The following CEP68 variants were observed in gnomAD, a reference collection of about 807,000 sequenced individuals.
The protein encoded by CEP68 is centrosomal protein 68.
A neutral mutation model predicts 55.3 loss-of-function variants in CEP68; 26 were observed. The observed-to-expected ratio is 0.47, with a 90% CI of 0.34 to 0.65. The LOEUF is 0.65. CEP68 is among the 30% of genes least tolerant of loss of function. The probability of loss-of-function intolerance (pLI) is 0.01; values close to 1 mark genes in which losing one functional copy is unlikely to be tolerated. For missense variants in CEP68, 957 were observed against 946.7 expected (o/e 1.01, Z -0.14); for synonymous variants, 402 against 383.2 (o/e 1.05, Z -0.57).
rs1178762783 is a variant in CEP68, at chr2:65,084,356, T to C, written c.*722T>C. The C allele has an allele frequency of 6.6e-6, 1 of 152,166 alleles. No homozygotes were observed. Among genetic ancestry groups the C allele is most frequent in the Non-Finnish European group, 1.5e-5 (1 of 68,020 alleles). 9.4% of individuals were successfully genotyped at this position (152,166 alleles called of 1,614,324 possible). ...AATTATCAAGCTTAAAGGGTAACTT[T>C]GGGAGGACTCCTCCCTTCACTCCTA... On this transcript the variant is annotated 3_prime_UTR_variant, in exon 7 of 7. Coordinates refer to ENST00000377990, the MANE Select transcript of CEP68 (RefSeq NM_015147.3).
In CEP68 at chr2:65,082,727, A is replaced by G. The variant is rs964564325; in HGVS notation, c.*4+18A>G. The G allele has an allele frequency of 1.3e-6, 2 of 1,525,206 alleles. No homozygotes were observed. Among genetic ancestry groups the G allele is most frequent in the African/African-American group, 1.4e-5 (1 of 70,456 alleles). 94.5% of individuals were successfully genotyped at this position (1,525,206 alleles called of 1,614,324 possible). A position where few individuals can be genotyped will look rare whatever the true frequency, so the allele number is the denominator to read the frequency against. On this transcript the variant is annotated intron_variant, in intron 6 of 6. Coordinates refer to ENST00000377990, the MANE Select transcript of CEP68 (RefSeq NM_015147.3). Reference sequence around the variant, plus strand: ...TTAACCTGGTAAGTGGAGGAACTCAAAAAGAAAATTTGCCCACCAACCCTG... The same window carrying G: ...TTAACCTGGTAAGTGGAGGAACTCAGAAAGAAAATTTGCCCACCAACCCTG...
chr2:65,076,052 T>TTGAGTTCCTCACTTTGAGGAACTCCACAA (rs1466970467), intron 4 of CEP68, among the ~76,000 whole-genome samples: 2 of 151,494 alleles, frequency 1.3e-5, no homozygotes, highest in African/African-American at 2.4e-5. Flanking sequence ...AGAGGTTGCT[T>TTGAGTTCCTCACTTTGAGGAACTCCACAA]TGAGTTCCTC....
intron 2 of CEP68, 149 bp from the exon 3 acceptor site, chr2:65,071,305 C>G (rs1282990855): frequency 6.1e-6 from 4 of 650,524 alleles, no homozygotes; most frequent in Non-Finnish European, 7.9e-6. Context: ...TGCATATTGC[C>G]TGGTTCTTGC....
intron 5 of CEP68, chr2:65,080,622 A>G (rs1461778982): frequency 1.2e-6 from 1 of 816,614 alleles, no homozygotes; most frequent in African/African-American, 1.9e-5. Context: ...GTTCAAGACC[A>G]GCCTGGCCAA....
rs904238052 is a variant in CEP68, at chr2:65,085,901, A to T, written c.*2267A>T. ...AGCAAACATGGCCAAATTAGAGTCA[A>T]GTAGCTGAGCTTGCTAACTGCACTG... On this transcript the variant is annotated 3_prime_UTR_variant, in exon 7 of 7. Coordinates refer to ENST00000377990, the MANE Select transcript of CEP68 (RefSeq NM_015147.3). 6.6e-6 allele frequency: 1 copy of T among 152,238 alleles called. No homozygotes were observed. Among genetic ancestry groups the T allele is most frequent in the African/African-American group, 2.4e-5 (1 of 41,454 alleles). The allele number at this position is 152,238 out of a possible 1,614,324, so 9.4% of individuals were successfully genotyped here. A position where few individuals can be genotyped will look rare whatever the true frequency, so the allele number is the denominator to read the frequency against.
chr2:65,083,358 A>G (rs1273667934), intron 6 of CEP68, among the ~76,000 whole-genome samples: 1 of 152,234 alleles, frequency 6.6e-6, no homozygotes, highest in African/African-American at 2.4e-5. Context: ...TAGGAGAGCA[A>G]AGGTGGGTGT....
At chr2:65,066,368 G>A (rs1676164961) in intron 1 of CEP68, among the ~76,000 whole-genome samples, 2 of 151,874 alleles carry the variant, frequency 1.3e-5, no homozygotes, top group South Asian at 2.1e-4. Context: ...AGGCTGAGGC[G>A]GGTGGATCAC....
Sources: gnomAD v4.1 joint callset for allele counts (sites outside exome capture counted in the v4.1 genomes callset) on GRCh38, gnomAD v4.1.1 for gene constraint, MANE v1.5 for transcripts, NCBI Gene and HGNC (gene_info 2026-07-23, HGNC 2026-07-21) for gene names.